Variants in NKAIN2 observed in about 807,000 individuals in gnomAD.
NKAIN2 encodes sodium/potassium-transporting ATPase subunit beta-1-interacting protein 2.
NKAIN2 carries 14 observed loss-of-function variants against 32.6 expected under a neutral mutation model. That is an observed-to-expected ratio of 0.43 (90% confidence interval 0.28 to 0.67). The LOEUF (loss-of-function observed/expected upper bound fraction) is 0.67. Among genes scored for constraint, NKAIN2 ranks in the 30% least tolerant of loss-of-function variants. The pLI is 0.17. For missense variants in NKAIN2, 198 were observed against 258.3 expected, an observed-to-expected ratio of 0.77 and a Z score of 1.60; for synonymous variants, 80 against 87.2, an observed-to-expected ratio of 0.92 and a Z score of 0.46.
rs557576412 is a variant in NKAIN2 at position 124,009,358 on chromosome 6, GGTAAGCA to G, written c.54+205107_54+205113del. 1.5e-3 allele frequency among the ~76,000 whole-genome samples: 221 copies of G among 152,226 alleles called. 1 individual carries two copies. Among genetic ancestry groups the G allele is most frequent in the African/African-American group, 5.2e-3 (216 of 41,546 alleles). Reference sequence around the variant, plus strand: ...GAACTTATGTTTTATGAGCATGAACGGTAAGCAGTCATTAGAGCTATCATTGTATTCT... The same window carrying G: ...GAACTTATGTTTTATGAGCATGAACGGTCATTAGAGCTATCATTGTATTCT... On this transcript the variant is annotated intron_variant, in intron 1 of 6. Coordinates refer to ENST00000368417, the MANE Select transcript of NKAIN2 (RefSeq NM_001040214.3).
intron 3 of NKAIN2, among the ~76,000 whole-genome samples, chr6:124,385,284 C>T (rs902707514): frequency 2.6e-5 from 4 of 152,056 alleles, no homozygotes; most frequent in African/African-American, 9.7e-5. Context: ...GGACGAGGTG[C>T]CTTGAGAAGC....
intron 3 of NKAIN2, among the ~76,000 whole-genome samples, chr6:124,521,647 C>T (rs1465533802): frequency 6.6e-6 from 1 of 152,092 alleles, no homozygotes; most frequent in Admixed American, 6.5e-5. Flanking sequence ...CTGCAATATA[C>T]TTTAGGTTGC....
intron 1 of NKAIN2, among the ~76,000 whole-genome samples, chr6:124,252,132 G>A (rs139201434): frequency 1.3e-5 from 2 of 151,954 alleles, no homozygotes; most frequent in Non-Finnish European, 2.9e-5. Flanking sequence ...GTGCTCATGC[G>A]TGGTTCACAT....
chr6:124,368,012 T>A (rs1799599292), intron 3 of NKAIN2, among the ~76,000 whole-genome samples: 1 of 152,112 alleles, frequency 6.6e-6, no homozygotes, highest in Non-Finnish European at 1.5e-5. Context: ...TAAGGAAAAT[T>A]TAGGCTTAAA....
At chr6:123,867,667 A>G (rs951079610) in intron 1 of NKAIN2, among the ~76,000 whole-genome samples, 2 of 152,018 alleles carry the variant, frequency 1.3e-5, no homozygotes, top group African/African-American at 4.8e-5. Flanking sequence ...TGCATAAACC[A>G]TTTCCCTCAT....
intron 1 of NKAIN2, among the ~76,000 whole-genome samples, chr6:124,142,240 C>A (rs1787180838): frequency 6.6e-6 from 1 of 152,092 alleles, no homozygotes; most frequent in Non-Finnish European, 1.5e-5. Flanking sequence ...TTTTTCTACC[C>A]ACTGCTGAAA....
chr6:124,012,902 C>G (rs548186816), intron 1 of NKAIN2, among the ~76,000 whole-genome samples: 1 of 152,182 alleles, frequency 6.6e-6, no homozygotes, highest in African/African-American at 2.4e-5. Context: ...TTTTAGGAAA[C>G]TACCAGACTG....
At chr6:124,295,193 T>G (rs1795996434) in intron 2 of NKAIN2, among the ~76,000 whole-genome samples, 1 of 152,210 alleles carries the variant, frequency 6.6e-6, no homozygotes, top group Admixed American at 6.5e-5. Context: ...AGTTACATTT[T>G]CAGAGTAGTT....
intron 1 of NKAIN2, among the ~76,000 whole-genome samples, chr6:123,892,507 G>T (rs1774068519): frequency 6.6e-6 from 1 of 151,712 alleles, no homozygotes; most frequent in South Asian, 2.1e-4. Flanking sequence ...AACAGCATGG[G>T]GGAAACCACC....
chr6:124,154,766 T>A (rs932217078), intron 1 of NKAIN2, among the ~76,000 whole-genome samples: 27 of 151,950 alleles, frequency 1.8e-4, no homozygotes, highest in Non-Finnish European at 2.8e-4. Context: ...TTCTTGGAAA[T>A]CATATTCTTA....
chr6:124,422,879 G>T (rs1190304783), intron 3 of NKAIN2, among the ~76,000 whole-genome samples: 2 of 152,130 alleles, frequency 1.3e-5, no homozygotes, highest in East Asian at 1.9e-4. Context: ...CAGTATTTGC[G>T]ATGAGTTCCT....
intron 1 of NKAIN2, among the ~76,000 whole-genome samples, chr6:124,224,605 T>G (rs544415243): frequency 6.6e-6 from 1 of 152,220 alleles, no homozygotes; most frequent in Non-Finnish European, 1.5e-5. Context: ...TAAGCAGTCT[T>G]CTTCTGAAAG....
chr6:124,732,496 C>G (rs534853968), intron 4 of NKAIN2, among the ~76,000 whole-genome samples: 116 of 152,128 alleles, frequency 7.6e-4, no homozygotes, highest in African/African-American at 2.6e-3. Flanking sequence ...TAAACATTAG[C>G]TCATTTAATC....
At chr6:124,302,756 A>G (rs1347624583) in intron 2 of NKAIN2, among the ~76,000 whole-genome samples, 3 of 151,766 alleles carry the variant, frequency 2.0e-5, no homozygotes, top group South Asian at 4.2e-4. Flanking sequence ...ACATTATTGG[A>G]AAAAAAAACT....
At chr6:124,493,714 C>G (rs1192233188) in intron 3 of NKAIN2, among the ~76,000 whole-genome samples, 1 of 85,738 alleles carries the variant, frequency 1.2e-5, no homozygotes, top group African/African-American at 4.3e-5. Context: ...CAACCCCCCC[C>G]TCCAAAAAAA....
At chr6:124,266,146 G>A (rs1794483682) in intron 1 of NKAIN2, among the ~76,000 whole-genome samples, 1 of 152,098 alleles carries the variant, frequency 6.6e-6, no homozygotes, top group Non-Finnish European at 1.5e-5. Context: ...TAATACTCAT[G>A]ATGATTCTTT....
chr6:124,416,945 A>G (rs486550), intron 3 of NKAIN2, among the ~76,000 whole-genome samples: 118,274 of 152,016 alleles, frequency 0.78, 46,196 homozygotes, highest in East Asian at 0.84. Context: ...GCAGCAATGA[A>G]ATGGTTTCAT....
At chr6:124,475,219 C>A (rs1437451875) in intron 3 of NKAIN2, among the ~76,000 whole-genome samples, 1 of 151,988 alleles carries the variant, frequency 6.6e-6, no homozygotes, top group African/African-American at 2.4e-5. Context: ...CTTTTGTGAA[C>A]CTGAGCAGGG....
In NKAIN2 at chr6:124,522,772, A is replaced by G. The variant is rs114813278; in HGVS notation, c.274-135414A>G. Among the ~76,000 whole-genome samples, 1,463 of 152,314 alleles carry G rather than the reference A, an allele frequency of 9.6e-3. 26 individuals are homozygous for G. The highest frequency in any genetic ancestry group is 0.033 in the African/African-American group (1,382 of 41,568). ...CCACTTAAATCAAGATGGAAAATCT[A>G]TATTGATAAAACCCTATGTTACATT... On this transcript the variant is annotated intron_variant, in intron 3 of 6. Transcript: ENST00000368417.
Sources: gnomAD v4.1 joint callset for allele counts (sites outside exome capture counted in the v4.1 genomes callset) on GRCh38, gnomAD v4.1.1 for gene constraint, MANE v1.5 for transcripts, NCBI Gene and HGNC (gene_info 2026-07-23, HGNC 2026-07-21) for gene names.